CDIN1: variants seen among roughly 807,000 people sequenced by gnomAD.
CDIN1 encodes CDAN1-interacting nuclease 1.
In CDIN1, 33 loss-of-function variants were observed where a neutral mutation model predicts 45.3. The observed-to-expected ratio is 0.73, with a 90% confidence interval of 0.55 to 0.97. The LOEUF (loss-of-function observed/expected upper bound fraction) is 0.97. Ranked by LOEUF, CDIN1 falls within the 50% of genes least tolerant of loss-of-function variation. The pLI, the probability that CDIN1 is intolerant of heterozygous loss-of-function variation, is 0.00. For missense variants in CDIN1, 303 were observed against 339.4 expected (o/e 0.89, Z 0.84); for synonymous variants, 118 against 124.4 (o/e 0.95, Z 0.34).
intron 10 of CDIN1, among the ~76,000 whole-genome samples, chr15:36,774,163 T>TGCGTGCGCGC (rs1555407090): frequency 7.0e-6 from 1 of 143,070 alleles, no homozygotes; most frequent in Non-Finnish European, 1.5e-5. Flanking sequence ...TGTGTGTGTG[T>TGCGTGCGCGC]GCGCGCGCGC....
chr15:36,776,641 G>A (rs1595585285), intron 10 of CDIN1, among the ~76,000 whole-genome samples: 1 of 152,304 alleles, frequency 6.6e-6, no homozygotes, highest in East Asian at 1.9e-4. Context: ...GTTCAGTTAT[G>A]TAAACTCATT....
In CDIN1 at chr15:36,656,048, C is replaced by T. The variant is rs555212238; in HGVS notation, c.274-1785C>T. On this transcript the variant is annotated intron_variant, in intron 4 of 10. Coordinates refer to ENST00000566621, the MANE Select transcript of CDIN1 (RefSeq NM_001321759.2). ...CGTAGTTGTTTAAAGACTTTTCCTC[C>T]GTTTTGGCTACAGACTAGTACAGAA... Among the ~76,000 whole-genome samples, 17 of 152,202 alleles carry T rather than the reference C, an allele frequency of 1.1e-4. No homozygotes were observed. In the East Asian group the frequency reaches 3.3e-3, roughly 29 times the overall value.
At chr15:36,738,715 C>G (rs538232524) in intron 10 of CDIN1, among the ~76,000 whole-genome samples, 14 of 152,302 alleles carry the variant, frequency 9.2e-5, no homozygotes, top group Admixed American at 4.6e-4. Context: ...TCTGACCCCC[C>G]CAACAGCCTA....
At chr15:36,705,004 G>T (rs1566916615) in intron 8 of CDIN1, 1 of 152,118 alleles carries the variant, frequency 6.6e-6, no homozygotes, top group Non-Finnish European at 1.5e-5. Flanking sequence ...TTTAAGAAAA[G>T]AAATTGTGTA....
chr15:36,778,116 C>T (rs1356093832), intron 10 of CDIN1, among the ~76,000 whole-genome samples: 1 of 152,144 alleles, frequency 6.6e-6, no homozygotes, highest in African/African-American at 2.4e-5. Flanking sequence ...TTACCACGGG[C>T]CTGGCTTAGA....
intron 10 of CDIN1, among the ~76,000 whole-genome samples, chr15:36,791,927 C>A (rs1013172765): frequency 1.3e-5 from 2 of 152,162 alleles, no homozygotes; most frequent in Non-Finnish European, 2.9e-5. Flanking sequence ...TATTATCTTG[C>A]ATTGGCCTTA....
intron 10 of CDIN1, among the ~76,000 whole-genome samples, chr15:36,717,769 G>C (rs2043265554): frequency 6.6e-6 from 1 of 152,034 alleles, no homozygotes; most frequent in Admixed American, 6.6e-5. Flanking sequence ...TTTCTGAAGT[G>C]GTTATACCAT....
At chr15:36,706,847 G>A (rs1229734417) in intron 8 of CDIN1, 1 of 152,074 alleles carries the variant, frequency 6.6e-6, no homozygotes, top group Non-Finnish European at 1.5e-5. Flanking sequence ...AATTAAGAAA[G>A]GAAATTATTG....
Position 36,608,615 on chromosome 15 carries a change from C to G in CDIN1, c.101+28654C>G, listed in dbSNP as rs148424473. On this transcript the variant is annotated intron_variant, in intron 1 of 10. Transcript: ENST00000566621. Reference sequence around the variant, plus strand: ...TATTTTTTTCTAGTCTGTTGGTTCTCTTTTTTATTTTATTTATGGTGTCCT... The same window carrying G: ...TATTTTTTTCTAGTCTGTTGGTTCTGTTTTTTATTTTATTTATGGTGTCCT... 5.7e-4 allele frequency among the ~76,000 whole-genome samples: 86 copies of G among 151,936 alleles called. No homozygotes were observed. In the East Asian group the frequency reaches 0.011, roughly 19 times the overall value.
chr15:36,794,061 A>AAT (rs371974395), intron 10 of CDIN1, among the ~76,000 whole-genome samples: 1 of 121,300 alleles, frequency 8.2e-6, no homozygotes, highest in Non-Finnish European at 1.6e-5. Flanking sequence ...CATCATAACT[A>AAT]TTTTTTTTTT....
At chr15:36,674,227 A>G (rs2041559069) in intron 5 of CDIN1, among the ~76,000 whole-genome samples, 1 of 152,154 alleles carries the variant, frequency 6.6e-6, no homozygotes, top group Non-Finnish European at 1.5e-5. Context: ...AAATGGCATT[A>G]CAGCTGTGAT....
intron 1 of CDIN1, among the ~76,000 whole-genome samples, chr15:36,631,987 C>A (rs756485206): frequency 6.6e-6 from 1 of 151,972 alleles, no homozygotes; most frequent in African/African-American, 2.4e-5. Context: ...TGCACCACCA[C>A]GCCCAGCTAG....
intron 5 of CDIN1, among the ~76,000 whole-genome samples, chr15:36,660,417 G>A (rs2040962461): frequency 1.3e-5 from 2 of 152,032 alleles, no homozygotes; most frequent in South Asian, 4.1e-4. Flanking sequence ...ATTGTACTGT[G>A]TATTTACTAT....
intron 5 of CDIN1, among the ~76,000 whole-genome samples, chr15:36,680,421 C>T (rs1270571770): frequency 1.3e-5 from 2 of 152,116 alleles, no homozygotes; most frequent in African/African-American, 4.8e-5. Context: ...AACAACACGG[C>T]AGAGTGAGCT....
At chr15:36,701,280 T>A (rs764229810) in intron 8 of CDIN1, among the ~76,000 whole-genome samples, 3 of 152,096 alleles carry the variant, frequency 2.0e-5, no homozygotes, top group Admixed American at 2.0e-4. Context: ...AGCATTGTGA[T>A]CATCCCATTA....
chr15:36,733,266 G>C (rs1453151374), intron 10 of CDIN1, among the ~76,000 whole-genome samples: 1 of 151,936 alleles, frequency 6.6e-6, no homozygotes, highest in Non-Finnish European at 1.5e-5. Context: ...TCTTTGTTCA[G>C]ACATTTTATA....
intron 10 of CDIN1, among the ~76,000 whole-genome samples, chr15:36,776,609 A>G (rs761656988): frequency 1.1e-4 from 16 of 152,150 alleles, no homozygotes; most frequent in Non-Finnish European, 2.4e-4. Context: ...TTCTGTCATT[A>G]TATTGTTTCT....
chr15:36,804,392 A>G (rs1033960794), intron 10 of CDIN1, among the ~76,000 whole-genome samples: 1 of 152,078 alleles, frequency 6.6e-6, no homozygotes, highest in African/African-American at 2.4e-5. Context: ...CTGATTCAAT[A>G]ACCAATGCAA....
At chr15:36,593,142 T>G (rs1212402444) in intron 1 of CDIN1, among the ~76,000 whole-genome samples, 1 of 152,224 alleles carries the variant, frequency 6.6e-6, no homozygotes, top group Non-Finnish European at 1.5e-5. Flanking sequence ...GGTTATATTA[T>G]TGGAACCATT....
Sources: gnomAD v4.1 joint callset for allele counts (sites outside exome capture counted in the v4.1 genomes callset) on GRCh38, gnomAD v4.1.1 for gene constraint, MANE v1.5 for transcripts, NCBI Gene and HGNC (gene_info 2026-07-23, HGNC 2026-07-21) for gene names.